PRMT3: variants seen among roughly 807,000 people sequenced by gnomAD.
PRMT3 encodes protein arginine methyltransferase 3, also known as protein arginine N-methyltransferase 3.
In PRMT3, 62 loss-of-function variants were observed where a neutral mutation model predicts 71.9. The observed-to-expected ratio is 0.86, with a 90% confidence interval of 0.70 to 1.07. The LOEUF (loss-of-function observed/expected upper bound fraction) is 1.07. Among genes scored for constraint, PRMT3 ranks in the 50% least tolerant of loss-of-function variants. The pLI, the probability that PRMT3 is intolerant of heterozygous loss-of-function variation, is 0.00. For synonymous variants in PRMT3, 213 were observed against 220.4 expected (o/e 0.97, Z 0.30); for missense variants, 663 against 643.0 (o/e 1.03, Z -0.34).
At chr11:20,396,513 C>T (rs1386117096) in intron 6 of PRMT3, among the ~76,000 whole-genome samples, 3 of 152,060 alleles carry the variant, frequency 2.0e-5, no homozygotes, top group Non-Finnish European at 4.4e-5. Flanking sequence ...TGGTGCACGC[C>T]TGTAATCCCA....
intron 13 of PRMT3, among the ~76,000 whole-genome samples, chr11:20,480,907 T>A (rs922574648): frequency 6.6e-6 from 1 of 152,146 alleles, no homozygotes; most frequent in African/African-American, 2.4e-5. Context: ...TATTAGTACG[T>A]TGAATTTCAT....
At chr11:20,427,012 A>AGCT in intron 10 of PRMT3, 147 bp downstream of exon 10, 1 of 1,183,522 alleles carries the variant, frequency 8.4e-7, no homozygotes, top group Non-Finnish European at 1.1e-6. Flanking sequence ...TATAATGTGT[A>AGCT]ATTTAAAAAA....
chr11:20,449,537 G>A (rs954378264), intron 10 of PRMT3, among the ~76,000 whole-genome samples: 6 of 152,008 alleles, frequency 3.9e-5, no homozygotes, highest in East Asian at 3.9e-4. Context: ...TTATGTGACC[G>A]AACTATTATT....
Position 20,388,143 on chromosome 11 carries a change from G to A in PRMT3, c.153G>A (p.Leu51=). 6.2e-7 allele frequency: 1 copy of A among 1,613,958 alleles called. No individual in the cohort carries two copies. The highest frequency in any genetic ancestry group is 8.5e-7 in the Non-Finnish European group (1 of 1,179,996). The stretch of plus-strand genomic sequence containing the variant: ...ACGGCAAGCAGCAGACCCCCTGCCT[G>A]TTCTGTAACAGGTTCGTCCGCCTCA... The part of the protein sequence containing the change: ...LPHGKQQTPC[L]FCNRLFTSAE... The change falls in exon 2 of 16, where the codon CTG becomes CTA. Residue 51 remains leucine, a synonymous_variant. Transcript: ENST00000331079.
rs1295099786 is a variant in PRMT3, at chr11:20,452,131, G to A, written c.995G>A (p.Gly332Asp). 6.3e-7 allele frequency: 1 copy of A among 1,598,904 alleles called. No homozygotes were observed. Reference sequence around the variant, plus strand: ...TTTTTTTCCCCTTTTTTTATGCAGGGCTATTTTCTTCTGTTTGAGTCTATG... The same window carrying A: ...TTTTTTTCCCCTTTTTTTATGCAGGACTATTTTCTTCTGTTTGAGTCTATG... ...KVDVIISEWM[G>D]YFLLFESMLD... is the part of the protein sequence containing the mutation. Residue 332 changes from glycine to aspartate, a missense_variant and splice_region_variant, in exon 11 of 16, where the codon GGC becomes GAC. By Grantham distance (94) the Gly-to-Asp change is moderately conservative. Coordinates refer to ENST00000331079, the MANE Select transcript of PRMT3 (RefSeq NM_005788.4).
intron 2 of PRMT3, among the ~76,000 whole-genome samples, chr11:20,388,743 A>G (rs1174281354): frequency 1.3e-5 from 2 of 152,256 alleles, no homozygotes; most frequent in African/African-American, 4.8e-5. Flanking sequence ...AGACTGTAGT[A>G]TCAATAATTT....
intron 12 of PRMT3, 74 bp from the exon 13 acceptor site, chr11:20,464,383 GTTT>G: frequency 6.8e-7 from 1 of 1,477,614 alleles, no homozygotes. Context: ...TGTCTGGGTT[GTTT>G]TTGTTTTATT....
At chr11:20,441,949 C>T (rs530977408) in intron 10 of PRMT3, among the ~76,000 whole-genome samples, 4 of 152,050 alleles carry the variant, frequency 2.6e-5, no homozygotes, top group Admixed American at 6.5e-5. Context: ...CCTGCCACCA[C>T]GCCCGGCTAA....
At chr11:20,505,644 T>G (rs954899772) in intron 15 of PRMT3, among the ~76,000 whole-genome samples, 15 of 152,188 alleles carry the variant, frequency 9.9e-5, no homozygotes, top group African/African-American at 3.6e-4. Context: ...AAATAGAAGT[T>G]TTTAAATGTT....
chr11:20,399,632 G>C (rs975142023), intron 7 of PRMT3, among the ~76,000 whole-genome samples: 9 of 151,950 alleles, frequency 5.9e-5, no homozygotes, highest in Admixed American at 5.9e-4. Context: ...CATTCCTTTG[G>C]TATGGAAATT....
At position 20,388,103 on chromosome 11, in the gene PRMT3, A is replaced by C; in HGVS notation, c.113A>C (p.Asp38Ala). ...GAGGCCGCCTGGGAGGATGAGGACG[A>C]TGCAGATCTCCCCCACGGCAAGCAG... is the stretch of plus-strand genomic sequence containing the variant. Reference protein sequence around the residue: ...GDEAAWEDEDDADLPHGKQQT... With the variant: ...GDEAAWEDEDAADLPHGKQQT... Residue 38 changes from aspartate (D) to alanine (A), a missense_variant, in exon 2 of 16, where the codon GAT (aspartate) becomes GCT (alanine). Coordinates refer to ENST00000331079, the MANE Select transcript of PRMT3 (RefSeq NM_005788.4). 6.2e-7 allele frequency: 1 copy of C among 1,614,018 alleles called. No homozygotes were observed. Among genetic ancestry groups the C allele is most frequent in the Non-Finnish European group, 8.5e-7 (1 of 1,179,984 alleles).
intron 13 of PRMT3, among the ~76,000 whole-genome samples, chr11:20,484,100 T>G (rs541747116): frequency 2.8e-4 from 43 of 152,322 alleles, no homozygotes; most frequent in African/African-American, 9.6e-4. Flanking sequence ...TCCAGGATAT[T>G]TCATGCCTTC....
At chr11:20,467,744 C>T (rs531045301) in intron 13 of PRMT3, among the ~76,000 whole-genome samples, 3 of 152,146 alleles carry the variant, frequency 2.0e-5, no homozygotes, top group Non-Finnish European at 2.9e-5. Flanking sequence ...TAAGCTTATA[C>T]TTGTTTGGTT....
intron 11 of PRMT3, among the ~76,000 whole-genome samples, chr11:20,453,915 A>G (rs144766433): frequency 6.6e-6 from 1 of 152,272 alleles, no homozygotes; most frequent in East Asian, 1.9e-4. Flanking sequence ...CTTTGGGTTC[A>G]TGTCAGTGCT....
intron 9 of PRMT3, among the ~76,000 whole-genome samples, chr11:20,418,097 A>G (rs1273779291): frequency 6.6e-6 from 1 of 152,082 alleles, no homozygotes; most frequent in East Asian, 1.9e-4. Context: ...AAGATAGGAA[A>G]GTATGTGTTC....
intron 12 of PRMT3, 75 bp downstream of exon 12, chr11:20,462,242 T>TAAAATCAATATA: frequency 8.2e-7 from 1 of 1,217,462 alleles, no homozygotes. Context: ...AAATAATATA[T>TAAAATCAATATA]TGATTTTATA....
chr11:20,401,884 A>T (rs1848956323), intron 7 of PRMT3, among the ~76,000 whole-genome samples: 1 of 152,080 alleles, frequency 6.6e-6, no homozygotes, highest in South Asian at 2.1e-4. Flanking sequence ...GGCTCAAATG[A>T]TTTACTTTTA....
intron 15 of PRMT3, among the ~76,000 whole-genome samples, chr11:20,499,648 AAAG>A (rs869273838): frequency 1.3e-5 from 2 of 152,146 alleles, no homozygotes; most frequent in African/African-American, 4.8e-5. Context: ...AAATTTTTTT[AAAG>A]AAGAAGATGG....
chr11:20,419,741 C>G (rs757899452), intron 9 of PRMT3, among the ~76,000 whole-genome samples: 2 of 152,120 alleles, frequency 1.3e-5, no homozygotes, highest in Non-Finnish European at 1.5e-5. Context: ...TGTACTTACA[C>G]TATCATTTTT....
Sources: allele counts gnomAD v4.1 joint callset (sites outside exome capture counted in the v4.1 genomes callset), GRCh38; gene constraint gnomAD v4.1.1; transcripts MANE v1.5; gene names NCBI Gene and HGNC (gene_info 2026-07-23, HGNC 2026-07-21).